CATSPERB: variants seen among roughly 807,000 people sequenced by gnomAD.
CATSPERB encodes cation channel sperm-associated auxiliary subunit beta.
CATSPERB carries 93 observed loss-of-function variants against 128.3 expected under a neutral mutation model. The ratio of observed to expected loss-of-function variants is 0.72; its 90% CI spans 0.61 to 0.86. CATSPERB has a LOEUF of 0.86. Among genes scored for constraint, CATSPERB ranks in the 40% least tolerant of loss-of-function variants. The pLI, the probability that CATSPERB is intolerant of heterozygous loss-of-function variation, is 0.00. For missense variants in CATSPERB, 1,153 were observed against 1,329.5 expected, an observed-to-expected ratio of 0.87 and a Z score of 2.06; for synonymous variants, 381 against 448.8, an observed-to-expected ratio of 0.85 and a Z score of 1.91.
intron 22 of CATSPERB, among the ~76,000 whole-genome samples, chr14:91,601,793 A>G (rs1186224355): frequency 6.6e-6 from 1 of 152,142 alleles, no homozygotes; most frequent in African/African-American, 2.4e-5. Flanking sequence ...CCAAAAATAT[A>G]TAAAGTTAGG....
rs138301986 is a variant in CATSPERB at position 91,619,961 on chromosome 14, C to T, written c.2260+1647G>A. Among the ~76,000 whole-genome samples, 810 of 151,198 alleles carry T rather than the reference C, an allele frequency of 5.4e-3. 1 individual carries two copies. Among genetic ancestry groups the T allele is most frequent in the African/African-American group, 7.7e-3 (318 of 41,116 alleles). On this transcript the variant is annotated intron_variant, in intron 19 of 26. Transcript: ENST00000256343. ...ATATTGCCCAGGCTGGTCTCAGACT[C>T]CTGGGCTCAAGCTATCCTCTTGCCT... is the stretch of plus-strand genomic sequence containing the variant.
chr14:91,611,902 T>C (rs1001570170), intron 20 of CATSPERB, among the ~76,000 whole-genome samples: 18 of 152,188 alleles, frequency 1.2e-4, no homozygotes, highest in Non-Finnish European at 1.2e-4. Context: ...ACTTATTAAA[T>C]AAATACCACT....
intron 20 of CATSPERB, among the ~76,000 whole-genome samples, chr14:91,611,364 C>G (rs1893822744): frequency 6.6e-6 from 1 of 152,178 alleles, no homozygotes; most frequent in South Asian, 2.1e-4. Flanking sequence ...AATCCCAGCA[C>G]TTTGGGAGGC....
chr14:91,701,770 G>A (rs1034261778), intron 7 of CATSPERB, among the ~76,000 whole-genome samples: 1 of 152,084 alleles, frequency 6.6e-6, no homozygotes, highest in African/African-American at 2.4e-5. Context: ...TGCTAGTTGG[G>A]TGTGGTGGCG....
rs778767607 is a variant in CATSPERB at position 91,672,988 on chromosome 14, G to T, written c.1007C>A (p.Pro336Gln). 1.3e-6 allele frequency: 2 copies of T among 1,579,996 alleles called. No homozygotes were observed. Among genetic ancestry groups the T allele is most frequent in the African/African-American group, 2.8e-5 (2 of 72,248 alleles). Reference sequence around the variant, plus strand: ...TAAGCAGGGTACCCATTCAAGAAATGGTTCCTGACTATAAAAACAAGAGCT... The same window carrying T: ...TAAGCAGGGTACCCATTCAAGAAATTGTTCCTGACTATAAAAACAAGAGCT... ...ESSSCFYSQE[P>Q]FLEWVPCLPH... The change falls in exon 13 of 27, where the codon CCA becomes CAA. Residue 336 changes from proline (P) to glutamine (Q), a missense_variant. Coordinates refer to ENST00000256343, the MANE Select transcript of CATSPERB (RefSeq NM_024764.4).
Position 91,639,012 on chromosome 14 carries a change from T to C in CATSPERB, c.1587+84A>G, listed in dbSNP as rs1411370819. 3 of 1,217,534 alleles carry C rather than the reference T, an allele frequency of 2.5e-6. No homozygotes were observed. In the African/African-American group the frequency reaches 4.5e-5, roughly 18 times the overall value. 75.4% of individuals were successfully genotyped at this position (1,217,534 alleles called of 1,614,324 possible). A position where few individuals can be genotyped will look rare whatever the true frequency, so the allele number is the denominator to read the frequency against. ...TGAGTTTGTCCCAAGGAAAATACTT[T>C]CCCATTTTCCCATTATTCTATGTAT... On this transcript the variant is annotated intron_variant, in intron 16 of 26. Coordinates refer to ENST00000256343, the MANE Select transcript of CATSPERB (RefSeq NM_024764.4).
Position 91,587,182 on chromosome 14 carries a change from G to A in CATSPERB, c.3132+20C>T. On this transcript the variant is annotated intron_variant, in intron 26 of 26. Transcript: ENST00000256343. ...TTTCCCCAGCCATCACCCCTCTGAT[G>A]CCAAGTGCATCCATTTTACCTGAAA... The A allele has an allele frequency of 6.3e-7, 1 of 1,575,368 alleles. No individual in the cohort carries two copies.
In CATSPERB at chr14:91,586,571, A is replaced by AAGAGAGAGAGAGAGAG. The variant is rs35756131; in HGVS notation, c.3132+615_3132+630dup. Reference sequence around the variant, plus strand: ...GGAGAGAGAGAGAGAGAGAGAGAGAAAGAGAGAGAGAGAGAGAGAGAGACA... The same window carrying AAGAGAGAGAGAGAGAG: ...GGAGAGAGAGAGAGAGAGAGAGAGAAAGAGAGAGAGAGAGAGAGAGAGAGAGAGAGAGAGAGAGACA... On this transcript the variant is annotated intron_variant, in intron 26 of 26. Coordinates refer to ENST00000256343, the MANE Select transcript of CATSPERB (RefSeq NM_024764.4). Among the ~76,000 whole-genome samples the AAGAGAGAGAGAGAGAG allele has an allele frequency of 1.8e-3, 200 of 114,242 alleles. 2 individuals carry two copies. Among genetic ancestry groups the AAGAGAGAGAGAGAGAG allele is most frequent in the African/African-American group, 6.9e-3 (191 of 27,760 alleles). 74.9% of individuals were successfully genotyped at this position (114,242 alleles called of 152,430 possible).
chr14:91,621,972 C>T (rs1166784249), intron 18 of CATSPERB, 35 bp from the exon 19 acceptor site: 2 of 1,415,292 alleles, frequency 1.4e-6, no homozygotes, highest in Non-Finnish European at 9.6e-7. Context: ...GGTATTAAAT[C>T]AAACATCCGA....
chr14:91,696,420 G>A (rs895970626), intron 7 of CATSPERB, among the ~76,000 whole-genome samples: 5 of 152,204 alleles, frequency 3.3e-5, no homozygotes, highest in African/African-American at 1.2e-4. Flanking sequence ...AGTAGAATGG[G>A]CATAAAAGAC....
chr14:91,729,529 T>C (rs1896179032), intron 1 of CATSPERB, 50 bp from the exon 2 acceptor site: 6 of 1,022,294 alleles, frequency 5.9e-6, no homozygotes, highest in Non-Finnish European at 8.9e-6. Flanking sequence ...AACATATTTT[T>C]GAATTCCTTT....
chr14:91,596,761 CCAAA>C (rs1428860472), intron 22 of CATSPERB, among the ~76,000 whole-genome samples: 1 of 152,042 alleles, frequency 6.6e-6, no homozygotes, highest in Admixed American at 6.5e-5. Flanking sequence ...CCAAAGAAAA[CCAAA>C]CACCATTTCA....
intron 17 of CATSPERB, among the ~76,000 whole-genome samples, chr14:91,631,563 G>A (rs532578002): frequency 1.4e-4 from 21 of 152,148 alleles, no homozygotes; most frequent in Non-Finnish European, 2.8e-4. Context: ...TACTTGGGAA[G>A]CTGAGGCAGG....
At chr14:91,605,348 T>C (rs185388336) in intron 22 of CATSPERB, 14 of 675,194 alleles carry the variant, frequency 2.1e-5, no homozygotes, top group Non-Finnish European at 3.6e-5. Flanking sequence ...GAGGAAAAAA[T>C]TTAAGAGCTG....
chr14:91,618,009 T>C (rs1049832579), intron 19 of CATSPERB, among the ~76,000 whole-genome samples: 1 of 152,194 alleles, frequency 6.6e-6, no homozygotes, highest in Non-Finnish European at 1.5e-5. Flanking sequence ...GCAAGTTTAT[T>C]AAGAAAGTAG....
chr14:91,685,942 G>A (rs1895366832), intron 10 of CATSPERB, among the ~76,000 whole-genome samples: 1 of 152,156 alleles, frequency 6.6e-6, no homozygotes, highest in Admixed American at 6.5e-5. Flanking sequence ...ATTCCTTGCT[G>A]TTGCCACTAA....
At chr14:91,646,197 C>G (rs532411229) in intron 15 of CATSPERB, 1 of 159,208 alleles carries the variant, frequency 6.3e-6, no homozygotes, top group Non-Finnish European at 1.4e-5. Flanking sequence ...AGCTGTAGAC[C>G]GGAGCTGTTC....
chr14:91,729,438 G>T lies in CATSPERB; in HGVS notation c.42C>A (p.Asn14Lys). Residue 14 changes from asparagine (N) to lysine (K), a missense_variant, in exon 2 of 27, where the codon AAC becomes AAA. Physicochemically the swap from Asn to Lys is moderately conservative, Grantham distance 94. Coordinates refer to ENST00000256343, the MANE Select transcript of CATSPERB (RefSeq NM_024764.4). ...CTATTCCTGATGAAAATTCAAATAT[G>T]TTCAAAAGCAAAACTGAAACATATA... ...PLIYVSVLLLNIFEFSSGIVY... is the reference protein window; with the variant it reads ...PLIYVSVLLLKIFEFSSGIVY... 1 of 1,532,944 alleles carries T rather than the reference G, an allele frequency of 6.5e-7. No homozygotes were observed. The highest frequency in any genetic ancestry group is 9.0e-7 in the Non-Finnish European group (1 of 1,115,310). 95.0% of individuals were successfully genotyped at this position (1,532,944 alleles called of 1,614,324 possible).
intron 1 of CATSPERB, among the ~76,000 whole-genome samples, chr14:91,731,061 G>A (rs998438997): frequency 6.6e-6 from 1 of 152,152 alleles, no homozygotes; most frequent in African/African-American, 2.4e-5. Flanking sequence ...TCTGAAAATA[G>A]TCCCTTTACC....
Sources: gnomAD v4.1 joint callset for allele counts (sites outside exome capture counted in the v4.1 genomes callset) on GRCh38, gnomAD v4.1.1 for gene constraint, MANE v1.5 for transcripts, NCBI Gene and HGNC (gene_info 2026-07-23, HGNC 2026-07-21) for gene names.